The following NUP210L variants were observed in gnomAD, a reference collection of about 807,000 sequenced individuals.
NUP210L encodes the protein nuclear pore membrane glycoprotein 210-like.
In NUP210L, 74 loss-of-function variants were observed where a neutral mutation model predicts 208.5. The observed-to-expected ratio is 0.35, with a 90% CI of 0.29 to 0.43. NUP210L has a LOEUF of 0.43. Among genes scored for constraint, NUP210L ranks in the 20% least tolerant of loss-of-function variants. The pLI, the probability that NUP210L is intolerant of heterozygous loss-of-function variation, is 1.00. For synonymous variants in NUP210L, 780 were observed against 816.9 expected (o/e 0.95, Z 0.77); for missense variants, 1,843 against 2,289.4 (o/e 0.81, Z 3.98).
rs1048624076 is a variant in NUP210L at position 154,079,537 on chromosome 1, T to C, written c.2362-9072A>G. On this transcript the variant is annotated intron_variant, in intron 16 of 39. Coordinates refer to ENST00000368559, the Ensembl canonical transcript of NUP210L. Reference sequence around the variant, plus strand: ...TGGTGGTAGTCACGAACTATCATAATGTTTGTCCCCATATCTCAACTGAAA... The same window carrying C: ...TGGTGGTAGTCACGAACTATCATAACGTTTGTCCCCATATCTCAACTGAAA... The C allele has an allele frequency of 3.9e-5, 6 of 152,382 alleles. No homozygotes were observed. The East Asian group carries it at 9.6e-4, about 24-fold the overall frequency. 9.4% of individuals were successfully genotyped at this position (152,382 alleles called of 1,614,324 possible).
chr1:154,154,994 GAAA>G (rs1558016193), exon 1 of NUP210L: 8 of 1,613,870 alleles, frequency 5.0e-6, no homozygotes, highest in Middle Eastern at 1.6e-4. Context: ...GACGCAAGAA[GAAA>G]AAGAGCCCGA....
chr1:154,058,490 G>A, intron 21 of NUP210L, 75 bp downstream of exon 21: 1 of 1,507,974 alleles, frequency 6.6e-7, no homozygotes, highest in Non-Finnish European at 9.0e-7. Flanking sequence ...TAGCTGAGCA[G>A]AGACTATATT....
At chr1:154,150,314 C>T (rs557165693) in intron 2 of NUP210L, among the ~76,000 whole-genome samples, 1 of 152,036 alleles carries the variant, frequency 6.6e-6, no homozygotes, top group African/African-American at 2.4e-5. Context: ...GCAGAGGTTG[C>T]GGTGAGTGGA....
Position 154,146,626 on chromosome 1 carries a change from CCCA to C in NUP210L, c.341-3052_341-3050del, listed in dbSNP as rs1471244809. On this transcript the variant is annotated intron_variant, in intron 2 of 39. Coordinates refer to ENST00000368559, the Ensembl canonical transcript of NUP210L. ...GCAAGATCCCATCCCCCCTCCCCCC[CCCA>C]CCAAAAAAAGAGCATCACAGTACTA... is the stretch of plus-strand genomic sequence containing the variant. Among the ~76,000 whole-genome samples the C allele has an allele frequency of 4.9e-4, 56 of 113,554 alleles. 6 individuals carry two copies. Among genetic ancestry groups the C allele is most frequent in the African/African-American group, 1.4e-3 (42 of 29,544 alleles). 74.5% of individuals were successfully genotyped at this position (113,554 alleles called of 152,430 possible).
intron 23 of NUP210L, among the ~76,000 whole-genome samples, chr1:154,056,452 T>C (rs570622219): frequency 6.6e-6 from 1 of 152,214 alleles, no homozygotes; most frequent in East Asian, 1.9e-4. Context: ...TCTCTCTCTG[T>C]CACTCAGGCT....
rs565828402 is a variant in NUP210L at position 154,082,525 on chromosome 1, G to T, written c.2361+6896C>A. On this transcript the variant is annotated intron_variant, in intron 16 of 39. Coordinates refer to ENST00000368559, the Ensembl canonical transcript of NUP210L. ...ATTCCCAGAGGATGGCATGCTCAGT[G>T]AGGGCATGGAAGCTCCACGCCCCAT... is the stretch of plus-strand genomic sequence containing the variant. Among the ~76,000 whole-genome samples the T allele has an allele frequency of 2.0e-5, 3 of 152,312 alleles. No homozygotes were observed. The South Asian group carries it at 6.2e-4, about 32-fold the overall frequency.
exon 39 of NUP210L, chr1:153,993,083 T>A (rs1464725566): frequency 6.2e-7 from 1 of 1,611,990 alleles, no homozygotes; most frequent in Non-Finnish European, 8.5e-7. Context: ...TAGGAAGGCA[T>A]TGTATGCTGG....
intron 16 of NUP210L, among the ~76,000 whole-genome samples, chr1:154,084,794 A>T (rs2148036735): frequency 6.6e-6 from 1 of 150,872 alleles, no homozygotes; most frequent in Admixed American, 6.6e-5. Context: ...TTCTTTAAAA[A>T]AAAAAAAAGG....
chr1:154,054,022 C>T (rs1456267397), intron 25 of NUP210L, among the ~76,000 whole-genome samples: 1 of 152,154 alleles, frequency 6.6e-6, no homozygotes, highest in Admixed American at 6.5e-5. Context: ...AGGATGGGAA[C>T]CATATCTTAT....
chr1:154,016,391 T>G (rs760305777), intron 33 of NUP210L, among the ~76,000 whole-genome samples: 36 of 152,132 alleles, frequency 2.4e-4, no homozygotes, highest in Non-Finnish European at 4.7e-4. Context: ...TACATATATT[T>G]AAGAAGGGAA....
At chr1:154,060,899 C>T (rs1343795627) in intron 19 of NUP210L, 43 bp downstream of exon 19, 2 of 1,288,504 alleles carry the variant, frequency 1.6e-6, no homozygotes, top group Non-Finnish European at 2.2e-6. Flanking sequence ...AATAACTTCC[C>T]CTCCAATATG....
chr1:154,073,019 A>C (rs906069519), intron 16 of NUP210L, among the ~76,000 whole-genome samples: 2 of 152,218 alleles, frequency 1.3e-5, no homozygotes, highest in Non-Finnish European at 2.9e-5. Context: ...CACGATCTAT[A>C]CATCTGACAA....
At chr1:154,122,483 C>T (rs999488322) in intron 10 of NUP210L, among the ~76,000 whole-genome samples, 5 of 151,912 alleles carry the variant, frequency 3.3e-5, no homozygotes, top group African/African-American at 7.3e-5. Context: ...AGCGAAACCC[C>T]GTTTCTACTA....
chr1:154,055,131 C>CT (rs139157198), intron 23 of NUP210L, among the ~76,000 whole-genome samples: 11 of 55,628 alleles, frequency 2.0e-4, no homozygotes, highest in South Asian at 9.2e-4. Flanking sequence ...TCTTTTCTTT[C>CT]TTTCTTTCTT....
At chr1:154,002,125 C>A in intron 35 of NUP210L, 140 bp from the exon 36 acceptor site, 1 of 832,898 alleles carries the variant, frequency 1.2e-6, no homozygotes. Flanking sequence ...TATTCAATAT[C>A]AGCACAATAT....
rs546013196 is a variant in NUP210L at position 154,154,416 on chromosome 1, A to C, written c.203+426T>G. 3.3e-5 allele frequency among the ~76,000 whole-genome samples: 5 copies of C among 152,240 alleles called. No homozygotes were observed. In the East Asian group the frequency reaches 7.7e-4, roughly 24 times the overall value. On this transcript the variant is annotated intron_variant, in intron 1 of 39. Transcript: ENST00000368559. ...TAGTTAGTGGGGACCCTCGCACCCC[A>C]AGTTTTCCTGTTCCTACAGAAATTT...
intron 27 of NUP210L, among the ~76,000 whole-genome samples, chr1:154,031,983 G>A (rs1013723832): frequency 2.7e-4 from 41 of 152,048 alleles, no homozygotes; most frequent in Non-Finnish European, 2.1e-4. Flanking sequence ...TCCCACCTTG[G>A]CCTTCCAAAG....
At chr1:154,092,538 T>C (rs542424228) in intron 15 of NUP210L, among the ~76,000 whole-genome samples, 1 of 141,938 alleles carries the variant, frequency 7.0e-6, no homozygotes, top group South Asian at 2.3e-4. Context: ...CCTGGCTAGT[T>C]TTTTGTTTTT....
At chr1:154,086,871 A>G (rs1050672194) in intron 16 of NUP210L, among the ~76,000 whole-genome samples, 4 of 152,282 alleles carry the variant, frequency 2.6e-5, no homozygotes, top group South Asian at 4.1e-4. Context: ...TTTGCAAATC[A>G]TATATCTGAA....
Sources: allele counts gnomAD v4.1 joint callset (sites outside exome capture counted in the v4.1 genomes callset), GRCh38; gene constraint gnomAD v4.1.1; transcripts MANE v1.5; gene names NCBI Gene and HGNC (gene_info 2026-07-23, HGNC 2026-07-21).